Variants in PCDHGB2 observed in about 807,000 individuals in gnomAD.
The protein encoded by PCDHGB2 is protocadherin gamma subfamily B, 2, also known as protocadherin gamma-B2.
In PCDHGB2, 55 loss-of-function variants were observed where a neutral mutation model predicts 59.3. That is an observed-to-expected ratio of 0.93 (90% CI 0.75 to 1.16). PCDHGB2 has a LOEUF of 1.16. Ranked by LOEUF, PCDHGB2 falls within the 50% of genes most tolerant of loss-of-function variation. The pLI, the probability that PCDHGB2 is intolerant of heterozygous loss-of-function variation, is 0.00. For synonymous variants in PCDHGB2, 516 were observed against 512.0 expected (o/e 1.01, Z -0.11); for missense variants, 1,228 against 1,198.5 (o/e 1.02, Z -0.36).
intron 1 of PCDHGB2, chr5:141,423,975 A>T: frequency 8.9e-7 from 1 of 1,126,024 alleles, no homozygotes; most frequent in Non-Finnish European, 1.1e-6. Flanking sequence ...TTATCAGTGT[A>T]TGAGGCTCTC....
chr5:141,409,014 AG>A, intron 1 of PCDHGB2: 1 of 1,614,014 alleles, frequency 6.2e-7, no homozygotes, highest in Non-Finnish European at 8.5e-7. Context: ...GACCAGGATG[AG>A]GGGGTCAATG....
At chr5:141,388,993 G>C (rs778336882) in intron 1 of PCDHGB2, 1 of 1,614,026 alleles carries the variant, frequency 6.2e-7, no homozygotes, top group South Asian at 1.1e-5. Context: ...CTCAAAGTCC[G>C]TGACAAGGAT....
chr5:141,385,633 G>A (rs2090306772), intron 1 of PCDHGB2: 9 of 905,286 alleles, frequency 9.9e-6, no homozygotes, highest in Non-Finnish European at 1.3e-5. Flanking sequence ...AATGAATCGA[G>A]TCTTTCATAT....
chr5:141,494,985 C>A, intron 2 of PCDHGB2, 120 bp downstream of exon 2: 1 of 1,559,680 alleles, frequency 6.4e-7, no homozygotes. Context: ...AGTTTGAGAT[C>A]CCAGGGAGGT....
chr5:141,455,753 G>T (rs2098830630), intron 1 of PCDHGB2, among the ~76,000 whole-genome samples: 1 of 152,074 alleles, frequency 6.6e-6, no homozygotes, highest in Non-Finnish European at 1.5e-5. Flanking sequence ...TGCTGGCCTG[G>T]CTCCTAGAGC....
At chr5:141,392,770 T>G in intron 1 of PCDHGB2, 1 of 1,511,750 alleles carries the variant, frequency 6.6e-7, no homozygotes, top group South Asian at 1.3e-5. Flanking sequence ...AAGACCCATT[T>G]ATGCACAGTG....
chr5:141,419,746 G>A (rs1561783927), intron 1 of PCDHGB2: 2 of 1,613,896 alleles, frequency 1.2e-6, no homozygotes, highest in Admixed American at 1.7e-5. Context: ...TGCGCATGGT[G>A]CGTGCTTTGG....
At chr5:141,478,098 C>T (rs779493391) in intron 1 of PCDHGB2, 1 of 1,614,142 alleles carries the variant, frequency 6.2e-7, no homozygotes, top group South Asian at 1.1e-5. Flanking sequence ...ACCACTGCTA[C>T]CCTCACTGTG....
intron 1 of PCDHGB2, among the ~76,000 whole-genome samples, chr5:141,472,991 AAAAAAAGAAAGAAAAAG>A (rs2099310051): frequency 6.6e-6 from 1 of 151,894 alleles, no homozygotes; most frequent in Admixed American, 6.6e-5. Flanking sequence ...AAAAAAAAAA[AAAAAAAGAAAGAAAAAG>A]AAAAAGAAAG....
At chr5:141,393,503 G>C (rs2092782893) in intron 1 of PCDHGB2, 1 of 1,614,028 alleles carries the variant, frequency 6.2e-7, no homozygotes, top group Non-Finnish European at 8.5e-7. Flanking sequence ...GCATCCACGT[G>C]ACAGTGTTGG....
chr5:141,477,002 G>A lies in PCDHGB2; in HGVS notation c.2422-17805G>A, dbSNP rs770390597. On this transcript the variant is annotated intron_variant, in intron 1 of 3. Coordinates refer to ENST00000522605, the MANE Select transcript of PCDHGB2 (RefSeq NM_018923.3). The surrounding 1 kb of genome is among the most constrained non-coding windows in gnomAD (Gnocchi z 4.9). ...CCGCGCCGGCGTGCGGCAACTATTC[G>A]CCTTAGACCTTGTAACCGGGATGCT... 6.2e-7 allele frequency: 1 copy of A among 1,614,102 alleles called. No homozygotes were observed. The highest frequency in any genetic ancestry group is 1.3e-5 in the African/African-American group (1 of 74,952).
chr5:141,379,354 C>T (rs995158490), intron 1 of PCDHGB2: 2 of 152,104 alleles, frequency 1.3e-5, no homozygotes, highest in African/African-American at 2.4e-5. Flanking sequence ...TTTCTTGTAT[C>T]TTTGTGATAT....
chr5:141,387,209 T>A lies in PCDHGB2; in HGVS notation c.2421+24653T>A, dbSNP rs911946032. Among the ~76,000 whole-genome samples, 3 of 152,170 alleles carry A rather than the reference T, an allele frequency of 2.0e-5. No individual in the cohort carries two copies. In the South Asian group the frequency reaches 6.2e-4, roughly 31 times the overall value. On this transcript the variant is annotated intron_variant, in intron 1 of 3. Coordinates refer to ENST00000522605, the MANE Select transcript of PCDHGB2 (RefSeq NM_018923.3). ...GGCAATTTTGGTATTACTGATACTC[T>A]CCGGAAAAAGTTGAAATAAATCAAC...
chr5:141,384,652 G>T (rs372721131), intron 1 of PCDHGB2: 1 of 1,614,228 alleles, frequency 6.2e-7, no homozygotes, highest in South Asian at 1.1e-5. Context: ...CGCAGAGCCC[G>T]GCTACCTGGT....
intron 1 of PCDHGB2, chr5:141,415,755 T>TTTG: frequency 1.4e-6 from 2 of 1,387,632 alleles, no homozygotes; most frequent in Middle Eastern, 2.6e-4. Context: ...TTTTTTTTTT[T>TTTG]TTTTTTTTTT....
At chr5:141,419,051 T>A (rs1007349455) in intron 1 of PCDHGB2, 6 of 1,613,950 alleles carry the variant, frequency 3.7e-6, no homozygotes, top group East Asian at 2.2e-5. Context: ...TCATTCTTCT[T>A]CTAATAATTA....
chr5:141,490,151 T>C lies in PCDHGB2; in HGVS notation c.2422-4656T>C, dbSNP rs1449636059. The stretch of plus-strand genomic sequence containing the variant: ...GACCCTAGCAGTGGGGCAATCCATG[T>C]GTTGGGTCCCATAGACTTTGAGGAG... On this transcript the variant is annotated intron_variant, in intron 1 of 3. Transcript: ENST00000522605. The surrounding 1 kb of genome is among the most constrained non-coding windows in gnomAD (Gnocchi z 5.4). 4 of 1,614,210 alleles carry C rather than the reference T, an allele frequency of 2.5e-6. No homozygotes were observed. The highest frequency in any genetic ancestry group is 3.4e-6 in the Non-Finnish European group (4 of 1,180,018).
chr5:141,371,538 A>G, intron 1 of PCDHGB2: 1 of 1,613,804 alleles, frequency 6.2e-7, no homozygotes, highest in Non-Finnish European at 8.5e-7. Context: ...TAATGGAGAA[A>G]TCCTATGCCA....
At chr5:141,382,924 G>T (rs768027809) in intron 1 of PCDHGB2, 2 of 1,568,666 alleles carry the variant, frequency 1.3e-6, no homozygotes, top group Non-Finnish European at 1.7e-6. Flanking sequence ...GAGGGGCGGG[G>T]ACTACAGAGG....
Sources: gnomAD v4.1 joint callset for allele counts (sites outside exome capture counted in the v4.1 genomes callset) on GRCh38, gnomAD v4.1.1 for gene constraint, Gnocchi (gnomAD v3.1) non-coding constraint, MANE v1.5 for transcripts, NCBI Gene and HGNC (gene_info 2026-07-23, HGNC 2026-07-21) for gene names.